The following PLEKHA6 variants were observed in gnomAD, a reference collection of about 807,000 sequenced individuals.
PLEKHA6 encodes pleckstrin homology domain containing A6.
Under a neutral mutation model 116.7 loss-of-function variants are expected in PLEKHA6, and 60 were observed. That is an observed-to-expected ratio of 0.51 (90% confidence interval 0.42 to 0.64). The LOEUF (loss-of-function observed/expected upper bound fraction) is 0.64, where lower values mean the gene tolerates loss of function less well. PLEKHA6 is among the 30% of genes least tolerant of loss of function. The pLI, the probability that PLEKHA6 is intolerant of heterozygous loss-of-function variation, is 0.00. For missense variants in PLEKHA6, 1,338 were observed against 1,422.7 expected (o/e 0.94, Z 0.96); for synonymous variants, 489 against 556.1 (o/e 0.88, Z 1.70).
chr1:204,328,264 T>C (rs1672319321), intron 1 of PLEKHA6, among the ~76,000 whole-genome samples: 2 of 151,684 alleles, frequency 1.3e-5, no homozygotes, highest in Admixed American at 6.6e-5. Context: ...GTATTTTTAG[T>C]AGAGACGGGG....
chr1:204,309,652 C>T (rs913041989), intron 1 of PLEKHA6: 12 of 736,448 alleles, frequency 1.6e-5, no homozygotes, highest in African/African-American at 1.9e-5. Context: ...CAGAATGTAG[C>T]CCCAAAATTA....
intron 1 of PLEKHA6, among the ~76,000 whole-genome samples, chr1:204,348,266 A>T (rs1056774508): frequency 6.6e-6 from 1 of 152,188 alleles, no homozygotes; most frequent in African/African-American, 2.4e-5. Flanking sequence ...GACCCTCTGC[A>T]ACCTTCTCCT....
At position 204,257,201 on chromosome 1, in the gene PLEKHA6, G is replaced by C; in HGVS notation, c.1524+152C>G. 1.4e-6 allele frequency: 1 copy of C among 731,566 alleles called. No individual in the cohort carries two copies. Among genetic ancestry groups the C allele is most frequent in the Admixed American group, 2.5e-5 (1 of 40,118 alleles). The allele number at this position is 731,566 out of a possible 1,614,324, so 45.3% of individuals were successfully genotyped here. A position where few individuals can be genotyped will look rare whatever the true frequency, so the allele number is the denominator to read the frequency against. ...CTACAGACAGAACCACAGGCCAGGG[G>C]CTCCGCTGGGCAGCACTGCTGGTCC... On this transcript the variant is annotated intron_variant, in intron 9 of 22. Coordinates refer to ENST00000272203, the MANE Select transcript of PLEKHA6 (RefSeq NM_014935.5). The surrounding 1 kb of genome is among the most constrained non-coding windows in gnomAD (Gnocchi z 6.5).
intron 1 of PLEKHA6, among the ~76,000 whole-genome samples, chr1:204,333,456 C>G (rs563532877): frequency 3.1e-4 from 47 of 152,348 alleles, no homozygotes; most frequent in Non-Finnish European, 5.0e-4. Flanking sequence ...TAATAATAAT[C>G]TCTGACATTT....
intron 1 of PLEKHA6, among the ~76,000 whole-genome samples, chr1:204,327,580 C>T (rs1474735781): frequency 2.0e-5 from 3 of 152,246 alleles, no homozygotes; most frequent in South Asian, 2.1e-4. Context: ...TGTCCATGCA[C>T]GTTGTGGTGT....
intron 1 of PLEKHA6, chr1:204,282,742 T>G (rs1668757078): frequency 2.0e-6 from 2 of 985,188 alleles, no homozygotes; most frequent in South Asian, 9.4e-5. Flanking sequence ...CTGACCCAAA[T>G]TGGAGAACTG....
intron 9 of PLEKHA6, among the ~76,000 whole-genome samples, chr1:204,252,933 G>A (rs1012590011): frequency 6.6e-6 from 1 of 152,198 alleles, no homozygotes; most frequent in Non-Finnish European, 1.5e-5. Flanking sequence ...TAGAGGAAGC[G>A]AGCAGGAGTG....
At chr1:204,284,637 C>T (rs190025750) in intron 1 of PLEKHA6, among the ~76,000 whole-genome samples, 64 of 151,890 alleles carry the variant, frequency 4.2e-4, no homozygotes, top group Non-Finnish European at 7.1e-4. Context: ...GCTCCCCTGA[C>T]GCCCCCGAGA....
chr1:204,310,201 T>A (rs1462718403), intron 1 of PLEKHA6, among the ~76,000 whole-genome samples: 2 of 152,096 alleles, frequency 1.3e-5, no homozygotes, highest in African/African-American at 4.8e-5. Flanking sequence ...AGGAGGGGAC[T>A]GGGCATAGAT....
intron 17 of PLEKHA6, among the ~76,000 whole-genome samples, chr1:204,232,108 A>G (rs1319311551): frequency 6.6e-6 from 1 of 152,218 alleles, no homozygotes. Context: ...CATCTTTATT[A>G]TAAAGTGGCA....
At chr1:204,299,409 A>G (rs1020725664) in intron 1 of PLEKHA6, among the ~76,000 whole-genome samples, 2 of 152,224 alleles carry the variant, frequency 1.3e-5, no homozygotes, top group Non-Finnish European at 2.9e-5. Context: ...TGCCCAGTGC[A>G]GAAGAGCCCC....
chr1:204,251,105 C>T (rs931046735), intron 9 of PLEKHA6, among the ~76,000 whole-genome samples: 1 of 152,198 alleles, frequency 6.6e-6, no homozygotes, highest in African/African-American at 2.4e-5. Context: ...AGAAGCGTCT[C>T]CGGATCCAGT....
Position 204,319,154 on chromosome 1 carries a change from C to T in PLEKHA6, c.-95+40540G>A, listed in dbSNP as rs114755493. ...TGGGAAGGAAAGAGGAGAAAGAAGA[C>T]GGGAGTGGGCTGTAACTGTGGAATC... On this transcript the variant is annotated intron_variant, in intron 1 of 22. Coordinates refer to ENST00000272203, the MANE Select transcript of PLEKHA6 (RefSeq NM_014935.5). Among the ~76,000 whole-genome samples the T allele has an allele frequency of 2.4e-3, 365 of 152,314 alleles. 2 individuals are homozygous for T. The highest frequency in any genetic ancestry group is 0.01 in the Middle Eastern group (3 of 294).
At position 204,238,535 on chromosome 1, in the gene PLEKHA6, T is replaced by C. The variant is rs1435248204; in HGVS notation, c.2409+2840A>G. Reference sequence around the variant, plus strand: ...ACCCATCTAGCCATAAAGTGGGTGGTGCACAGCAGCATTCCATCATCAAAT... The same window carrying C: ...ACCCATCTAGCCATAAAGTGGGTGGCGCACAGCAGCATTCCATCATCAAAT... On this transcript the variant is annotated intron_variant, in intron 17 of 22. Coordinates refer to ENST00000272203, the MANE Select transcript of PLEKHA6 (RefSeq NM_014935.5). The surrounding 1 kb of genome is among the most constrained non-coding windows in gnomAD (Gnocchi z 4.2). Among the ~76,000 whole-genome samples the C allele has an allele frequency of 1.3e-5, 2 of 152,198 alleles. No individual in the cohort carries two copies. Among genetic ancestry groups the C allele is most frequent in the African/African-American group, 4.8e-5 (2 of 41,448 alleles).
intron 2 of PLEKHA6, among the ~76,000 whole-genome samples, chr1:204,370,218 C>G (rs1558205430): frequency 6.6e-6 from 1 of 152,254 alleles, no homozygotes; most frequent in Non-Finnish European, 1.5e-5. Context: ...AGTCGAACTC[C>G]ATGATCCCTG....
intron 1 of PLEKHA6, among the ~76,000 whole-genome samples, chr1:204,319,304 C>G (rs115097459): frequency 6.6e-6 from 1 of 152,216 alleles, no homozygotes; most frequent in African/African-American, 2.4e-5. Context: ...ATTCCGTGTC[C>G]TATTCACTGT....
chr1:204,270,821 C>T (rs1385573281), intron 3 of PLEKHA6, among the ~76,000 whole-genome samples: 1 of 152,208 alleles, frequency 6.6e-6, no homozygotes. Flanking sequence ...GGCCTGTCAC[C>T]CACCTTCTGC....
At position 204,222,404 on chromosome 1, in the gene PLEKHA6, TCTC is replaced by T. The variant is rs1659748569; in HGVS notation, c.*381_*383del. 1 of 152,694 alleles carries T rather than the reference TCTC, an allele frequency of 6.5e-6. No individual in the cohort carries two copies. Among genetic ancestry groups the T allele is most frequent in the Non-Finnish European group, 1.5e-5 (1 of 68,164 alleles). The allele number at this position is 152,694 out of a possible 1,614,324, so 9.5% of individuals were successfully genotyped here. A position where few individuals can be genotyped will look rare whatever the true frequency, so the allele number is the denominator to read the frequency against. The stretch of plus-strand genomic sequence containing the variant: ...TCACATAAGATAGCCACAGGTGTGT[TCTC>T]CACCACGGCATGTCCCCCATCAGGG... On this transcript the variant is annotated 3_prime_UTR_variant, in exon 23 of 23. Coordinates refer to ENST00000272203, the MANE Select transcript of PLEKHA6 (RefSeq NM_014935.5).
At position 204,346,937 on chromosome 1, in the gene PLEKHA6, G is replaced by A. The variant is rs34292223; in HGVS notation, c.-95+12757C>T. Reference sequence around the variant, plus strand: ...TTTTTCTGATCATTTTCCTTCACACGTTTCAGGAAGCTATCTCGGCTCTTA... The same window carrying A: ...TTTTTCTGATCATTTTCCTTCACACATTTCAGGAAGCTATCTCGGCTCTTA... On this transcript the variant is annotated intron_variant, in intron 1 of 22. Coordinates refer to ENST00000272203, the MANE Select transcript of PLEKHA6 (RefSeq NM_014935.5). 4.4e-5 allele frequency: 52 copies of A among 1,182,704 alleles called. No homozygotes were observed. The African/African-American group carries it at 5.9e-4, about 13-fold the overall frequency. 73.3% of individuals were successfully genotyped at this position (1,182,704 alleles called of 1,614,324 possible). A position where few individuals can be genotyped will look rare whatever the true frequency, so the allele number is the denominator to read the frequency against.
Sources: allele counts gnomAD v4.1 joint callset (sites outside exome capture counted in the v4.1 genomes callset), GRCh38; gene constraint gnomAD v4.1.1; non-coding constraint Gnocchi (gnomAD v3.1); transcripts MANE v1.5; gene names NCBI Gene and HGNC (gene_info 2026-07-23, HGNC 2026-07-21).